The following CERS4 variants were observed in gnomAD, a reference collection of about 807,000 sequenced individuals.
CERS4 encodes the protein ceramide synthase 4.
CERS4 carries 65 observed loss-of-function variants against 51.8 expected under a neutral mutation model. The observed-to-expected ratio is 1.26, with a 90% CI of 1.03 to 1.54. The LOEUF (loss-of-function observed/expected upper bound fraction) is 1.54. Among genes scored for constraint, CERS4 ranks in the 40% most tolerant of loss-of-function variants. The probability of loss-of-function intolerance (pLI) is 0.00; values close to 1 mark genes in which losing one functional copy is unlikely to be tolerated. For missense variants in CERS4, 563 were observed against 500.4 expected, an observed-to-expected ratio of 1.13 and a Z score of -1.19; for synonymous variants, 228 against 208.4, an observed-to-expected ratio of 1.09 and a Z score of -0.81.
rs116409256 is a variant in CERS4 at position 8,210,269 on chromosome 19, G to A, written c.-158-437G>A. Reference sequence around the variant, plus strand: ...AGGAGAGATGGGGATACTTGGAAGGGGGCTTCTGGCTTGACCTGGCTGGAA... The same window carrying A: ...AGGAGAGATGGGGATACTTGGAAGGAGGCTTCTGGCTTGACCTGGCTGGAA... On this transcript the variant is annotated intron_variant, in intron 1 of 11. Transcript: ENST00000251363. The surrounding 1 kb of genome is among the most constrained non-coding windows in gnomAD (Gnocchi z 4.2). 1.5e-3 allele frequency among the ~76,000 whole-genome samples: 228 copies of A among 152,296 alleles called. 1 individual carries two copies. The highest frequency in any genetic ancestry group is 5.2e-3 in the African/African-American group (217 of 41,562).
chr19:8,240,545 G>C (rs1479145546), intron 2 of CERS4: 1 of 147,960 alleles, frequency 6.8e-6, no homozygotes, highest in Non-Finnish European at 1.5e-5. Flanking sequence ...CCAGGCAGCG[G>C]GCCAGGCTGC....
At chr19:8,221,868 TTA>T (rs1967558907) in intron 2 of CERS4, among the ~76,000 whole-genome samples, 2 of 122,784 alleles carry the variant, frequency 1.6e-5, no homozygotes, top group Non-Finnish European at 3.3e-5. Context: ...ATTTATTTTT[TTA>T]TGTTTTTTTT....
chr19:8,254,599 G>T lies in CERS4; in HGVS notation c.274G>T (p.Gly92Trp). 6.2e-7 allele frequency: 1 copy of T among 1,610,014 alleles called. No homozygotes were observed. Among genetic ancestry groups the T allele is most frequent in the Non-Finnish European group, 8.5e-7 (1 of 1,178,654 alleles). ...ATLEKHFLTE[G>W]HRPKEPQLSL... ...GCTGGAGAAACACTTCCTCACGGAAGGGCACAGGCCCAAGGAGGTGAGAGC... is the reference window on the plus strand; with the variant it reads ...GCTGGAGAAACACTTCCTCACGGAATGGCACAGGCCCAAGGAGGTGAGAGC... Residue 92 changes from glycine to tryptophan, a missense_variant, in exon 4 of 12, where the codon GGG becomes TGG. Coordinates refer to ENST00000251363, the MANE Select transcript of CERS4 (RefSeq NM_024552.3).
chr19:8,232,058 A>C (rs1191086111), intron 2 of CERS4, among the ~76,000 whole-genome samples: 1 of 149,694 alleles, frequency 6.7e-6, no homozygotes, highest in Non-Finnish European at 1.5e-5. Context: ...TCAAACTCCT[A>C]GCCTCAAGTA....
chr19:8,211,195 C>T (rs2145147695), intron 2 of CERS4, among the ~76,000 whole-genome samples: 1 of 152,202 alleles, frequency 6.6e-6, no homozygotes, highest in South Asian at 2.1e-4. Context: ...TGACCCAGTG[C>T]GTGGCACAGA....
intron 2 of CERS4, among the ~76,000 whole-genome samples, chr19:8,238,040 C>T (rs1599550602): frequency 6.6e-6 from 1 of 152,040 alleles, no homozygotes; most frequent in African/African-American, 2.4e-5. Flanking sequence ...ATGGTAATCC[C>T]CCCCCACAAT....
chr19:8,240,585 A>AGTTGTGTGTGTGTGTGTGT (rs6146457), intron 2 of CERS4: 1 of 142,080 alleles, frequency 7.0e-6, no homozygotes, highest in African/African-American at 2.8e-5. Flanking sequence ...AATGTATGCA[A>AGTTGTGTGTGTGTGTGTGT]GTGTGTGTGT....
intron 2 of CERS4, among the ~76,000 whole-genome samples, chr19:8,223,093 G>A (rs1599521945): frequency 6.6e-6 from 1 of 152,074 alleles, no homozygotes; most frequent in East Asian, 1.9e-4. Context: ...CAGCACTTTG[G>A]GAGGTTGAGG....
chr19:8,254,371 G>A, intron 3 of CERS4, 128 bp from the exon 4 acceptor site: 2 of 555,852 alleles, frequency 3.6e-6, no homozygotes, highest in East Asian at 3.1e-5. Context: ...TGTGCCAGCT[G>A]TGCTCTCTGA....
intron 2 of CERS4, among the ~76,000 whole-genome samples, chr19:8,240,333 C>T (rs1968472283): frequency 6.6e-6 from 1 of 151,952 alleles, no homozygotes; most frequent in South Asian, 2.1e-4. Context: ...GGGAGTGGTA[C>T]CTCAACCGGC....
chr19:8,255,902 G>C, intron 6 of CERS4, 23 bp downstream of exon 6: 1 of 1,612,590 alleles, frequency 6.2e-7, no homozygotes, highest in East Asian at 2.2e-5. Context: ...GAGTATAGCT[G>C]ACTGCTCACC....
rs1969709863 is a variant in CERS4 at position 8,261,679 on chromosome 19, T to G, written c.849-9T>G. The G allele has an allele frequency of 6.2e-7, 1 of 1,613,736 alleles. No individual in the cohort carries two copies. Among genetic ancestry groups the G allele is most frequent in the African/African-American group, 1.3e-5 (1 of 74,884 alleles). ...AAACCCCAGCCTCCTCCTCTCCCCC[T>G]GGCTGTAGGATCCTCTACACCACAT... is the stretch of plus-strand genomic sequence containing the variant. On this transcript the variant is annotated splice_polypyrimidine_tract_variant and intron_variant, in intron 10 of 11. Coordinates refer to ENST00000251363, the MANE Select transcript of CERS4 (RefSeq NM_024552.3).
In CERS4 at chr19:8,215,259, G is replaced by A. The variant is rs529727614; in HGVS notation, c.-2+4397G>A. On this transcript the variant is annotated intron_variant, in intron 2 of 11. Transcript: ENST00000251363. ...TTTGGGAGGCCGATGTGGGTGGATCGCCTGAGGTCAAGAGTTCGAGACCAG... is the reference window on the plus strand; with the variant it reads ...TTTGGGAGGCCGATGTGGGTGGATCACCTGAGGTCAAGAGTTCGAGACCAG... 1.6e-3 allele frequency among the ~76,000 whole-genome samples: 246 copies of A among 152,062 alleles called. 1 individual carries two copies. The highest frequency in any genetic ancestry group is 5.6e-3 in the African/African-American group (232 of 41,484).
intron 2 of CERS4, among the ~76,000 whole-genome samples, chr19:8,245,122 A>ACAAAACAAACAAAAACAAACAAAC (rs755450125): frequency 7.7e-6 from 1 of 129,258 alleles, no homozygotes; most frequent in South Asian, 2.4e-4. Flanking sequence ...AAAAAAAAAA[A>ACAAAACAAACAAAAACAAACAAAC]AAAAAAAAAA....
At chr19:8,253,987 G>A (rs1969228755) in intron 3 of CERS4, among the ~76,000 whole-genome samples, 1 of 151,978 alleles carries the variant, frequency 6.6e-6, no homozygotes. Context: ...GAGCCTTTCT[G>A]ACTCTGGGCC....
intron 3 of CERS4, among the ~76,000 whole-genome samples, chr19:8,253,307 C>CG (rs1050790301): frequency 3.0e-4 from 46 of 152,276 alleles, no homozygotes; most frequent in Admixed American, 9.2e-4. Flanking sequence ...CCTAGACTGG[C>CG]GGGGGGTCAG....
intron 2 of CERS4, among the ~76,000 whole-genome samples, chr19:8,233,163 A>G (rs1036175672): frequency 4.6e-5 from 7 of 150,698 alleles, no homozygotes; most frequent in Non-Finnish European, 1.0e-4. Context: ...AAGCCACCAC[A>G]CTCGGCTAAT....
rs558740540 is a variant in CERS4, at chr19:8,256,091, C to T, written c.469-145C>T. On this transcript the variant is annotated intron_variant, in intron 6 of 11. Coordinates refer to ENST00000251363, the MANE Select transcript of CERS4 (RefSeq NM_024552.3). ...GGGGTTCTGCAGTGAATGAGCCCCC[C>T]AGTCGAGAGTGAGAAGCAGGAAAAA... The T allele has an allele frequency of 1.7e-5, 17 of 987,030 alleles. No homozygotes were observed. In the African/African-American group the frequency reaches 2.7e-4, roughly 16 times the overall value. The allele number at this position is 987,030 out of a possible 1,614,324, so 61.1% of individuals were successfully genotyped here.
intron 2 of CERS4, among the ~76,000 whole-genome samples, chr19:8,238,050 T>G (rs3101742): frequency 1.3e-5 from 2 of 151,530 alleles, no homozygotes; most frequent in African/African-American, 4.9e-5. Flanking sequence ...CCCCCCACAA[T>G]CCCTGCTCCA....
Sources: gnomAD v4.1 joint callset for allele counts (sites outside exome capture counted in the v4.1 genomes callset) on GRCh38, gnomAD v4.1.1 for gene constraint, Gnocchi (gnomAD v3.1) non-coding constraint, MANE v1.5 for transcripts, NCBI Gene and HGNC (gene_info 2026-07-23, HGNC 2026-07-21) for gene names.